Variants in CNTNAP5 observed in about 807,000 individuals in gnomAD.
CNTNAP5 encodes the protein contactin-associated protein-like 5.
In CNTNAP5, 72 loss-of-function variants were observed where a neutral mutation model predicts 150.2. That is an observed-to-expected ratio of 0.48 (90% CI 0.40 to 0.58). The LOEUF (loss-of-function observed/expected upper bound fraction) is 0.58, where lower values mean the gene tolerates loss of function less well. CNTNAP5 is among the 20% of genes least tolerant of loss of function. The pLI is 0.00. For missense variants in CNTNAP5, 1,636 were observed against 1,626.2 expected (o/e 1.01, Z -0.10); for synonymous variants, 672 against 619.8 (o/e 1.08, Z -1.25).
chr2:124,214,456 C>A (rs140518829), intron 1 of CNTNAP5, among the ~76,000 whole-genome samples: 1 of 152,130 alleles, frequency 6.6e-6, no homozygotes, highest in Non-Finnish European at 1.5e-5. Context: ...ATCTCCACCA[C>A]GTTTGATGAA....
chr2:124,499,726 G>T (rs1015772792), intron 7 of CNTNAP5, among the ~76,000 whole-genome samples: 2 of 152,254 alleles, frequency 1.3e-5, no homozygotes, highest in Admixed American at 6.5e-5. Context: ...TCTATCAATT[G>T]TACTGGCAAA....
chr2:124,180,731 A>G (rs1340113776), intron 1 of CNTNAP5, among the ~76,000 whole-genome samples: 1 of 152,082 alleles, frequency 6.6e-6, no homozygotes, highest in Admixed American at 6.6e-5. Context: ...TAGTTAGGAA[A>G]TCTTTCCACT....
chr2:124,026,756 A>G (rs111771012), intron 1 of CNTNAP5, among the ~76,000 whole-genome samples: 5 of 152,296 alleles, frequency 3.3e-5, no homozygotes, highest in African/African-American at 1.2e-4. Flanking sequence ...TATTACCCAT[A>G]TTGGAACAGT....
chr2:124,544,646 C>CAA (rs1214755181), intron 10 of CNTNAP5, among the ~76,000 whole-genome samples: 1 of 152,156 alleles, frequency 6.6e-6, no homozygotes, highest in African/African-American at 2.4e-5. Flanking sequence ...ATAGAGAACT[C>CAA]AAAATGTGTG....
chr2:124,879,981 G>C lies in CNTNAP5; in HGVS notation c.3436+10219G>C, dbSNP rs182575927. On this transcript the variant is annotated intron_variant, in intron 21 of 23. Coordinates refer to ENST00000682447, the MANE Select transcript of CNTNAP5 (RefSeq NM_001367498.1). Reference sequence around the variant, plus strand: ...ATTGGCCAGAAGCTGAAAGAAACAAGTGGAACAAGCACAGATTAGAATTCT... The same window carrying C: ...ATTGGCCAGAAGCTGAAAGAAACAACTGGAACAAGCACAGATTAGAATTCT... Among the ~76,000 whole-genome samples, 524 of 152,266 alleles carry C rather than the reference G, an allele frequency of 3.4e-3. 3 individuals carry two copies. Among genetic ancestry groups the C allele is most frequent in the Middle Eastern group, 0.027 (8 of 294 alleles).
chr2:124,713,295 T>TCTTTC (rs1312059313), intron 13 of CNTNAP5, among the ~76,000 whole-genome samples: 25 of 126,498 alleles, frequency 2.0e-4, no homozygotes, highest in Admixed American at 4.8e-4. Context: ...CTTTCTTTCT[T>TCTTTC]TCTTTCTTCT....
intron 19 of CNTNAP5, among the ~76,000 whole-genome samples, chr2:124,830,383 T>A (rs1039597222): frequency 6.6e-6 from 1 of 152,040 alleles, no homozygotes; most frequent in African/African-American, 2.4e-5. Context: ...TAATAGAGTG[T>A]AAAATCTTTA....
At chr2:124,664,325 GAAAAAAAA>G (rs34108388) in intron 13 of CNTNAP5, among the ~76,000 whole-genome samples, 1 of 106,188 alleles carries the variant, frequency 9.4e-6, no homozygotes, top group African/African-American at 3.5e-5. Flanking sequence ...CCTGTCTCAA[GAAAAAAAA>G]AAAAAAAAAA....
chr2:124,137,455 A>G (rs1252652872), intron 1 of CNTNAP5, among the ~76,000 whole-genome samples: 3 of 152,198 alleles, frequency 2.0e-5, no homozygotes, highest in African/African-American at 7.2e-5. Flanking sequence ...TTGACTTTGA[A>G]TTCTAAAATA....
At chr2:124,097,230 C>T (rs1350468065) in intron 1 of CNTNAP5, among the ~76,000 whole-genome samples, 1 of 151,966 alleles carries the variant, frequency 6.6e-6, no homozygotes, top group East Asian at 1.9e-4. Flanking sequence ...CCTGATGTGT[C>T]CAGGGACTGC....
At chr2:124,176,796 C>T (rs1685075725) in intron 1 of CNTNAP5, among the ~76,000 whole-genome samples, 1 of 150,692 alleles carries the variant, frequency 6.6e-6, no homozygotes, top group Admixed American at 6.6e-5. Context: ...GATCTTATGA[C>T]CTAAAATCAG....
chr2:124,082,120 C>G (rs547084518), intron 1 of CNTNAP5, among the ~76,000 whole-genome samples: 3 of 151,944 alleles, frequency 2.0e-5, no homozygotes, highest in African/African-American at 7.2e-5. Context: ...GAGGCCGAGG[C>G]GGGTGGATCA....
intron 8 of CNTNAP5, among the ~76,000 whole-genome samples, chr2:124,509,380 T>G (rs959041416): frequency 6.6e-6 from 1 of 152,214 alleles, no homozygotes; most frequent in African/African-American, 2.4e-5. Flanking sequence ...CATCTCCTTT[T>G]TTTTTGCAAG....
At chr2:124,358,693 G>A (rs1690099481) in intron 3 of CNTNAP5, among the ~76,000 whole-genome samples, 1 of 152,096 alleles carries the variant, frequency 6.6e-6, no homozygotes, top group African/African-American at 2.4e-5. Context: ...ATGTGCTGCT[G>A]GATTCATTTT....
At chr2:124,882,789 C>T (rs1202316454) in intron 21 of CNTNAP5, among the ~76,000 whole-genome samples, 4 of 151,986 alleles carry the variant, frequency 2.6e-5, no homozygotes, top group East Asian at 3.9e-4. Context: ...CACAGTTCCA[C>T]GTGGCTGGGG....
chr2:124,609,914 A>G lies in CNTNAP5; in HGVS notation c.1870A>G (p.Ile624Val), dbSNP rs774266375. ...GGGACCTCTCCAGGTGTACTGCAAT[A>G]TCACTGGTAAGGGTGCAGTAGCCCT... ...PLGPLQVYCN[I>V]TEDKIWTSVQ... The change falls in exon 12 of 24, where the codon ATC becomes GTC. Residue 624 changes from isoleucine to valine, a missense_variant. Ile to Val is a conservative substitution (Grantham distance 29, BLOSUM62 3). Transcript: ENST00000682447. 2 of 1,613,604 alleles carry G rather than the reference A, an allele frequency of 1.2e-6. No homozygotes were observed. Among genetic ancestry groups the G allele is most frequent in the East Asian group, 2.2e-5 (1 of 44,852 alleles).
At chr2:124,523,803 C>A (rs754620482) in intron 8 of CNTNAP5, among the ~76,000 whole-genome samples, 14 of 152,154 alleles carry the variant, frequency 9.2e-5, no homozygotes, top group Admixed American at 2.0e-4. Context: ...CAGGAGGCTG[C>A]CTCTGCCTGG....
chr2:124,193,873 G>A (rs779373885), intron 1 of CNTNAP5, among the ~76,000 whole-genome samples: 3 of 152,132 alleles, frequency 2.0e-5, no homozygotes, highest in Non-Finnish European at 4.4e-5. Flanking sequence ...ACAGAGACAG[G>A]AAGTACAAGA....
intron 1 of CNTNAP5, among the ~76,000 whole-genome samples, chr2:124,137,143 C>T (rs1683991908): frequency 6.6e-6 from 1 of 152,168 alleles, no homozygotes; most frequent in African/African-American, 2.4e-5. Context: ...TCTATCACCA[C>T]CTCGTACTGC....
Sources: gnomAD v4.1 joint callset for allele counts (sites outside exome capture counted in the v4.1 genomes callset) on GRCh38, gnomAD v4.1.1 for gene constraint, MANE v1.5 for transcripts, NCBI Gene and HGNC (gene_info 2026-07-23, HGNC 2026-07-21) for gene names.